The following ZNF365 variants were observed in gnomAD, a reference collection of about 807,000 sequenced individuals.
ZNF365 encodes the protein zinc finger protein 365, also known as protein ZNF365.
ZNF365 carries 22 observed loss-of-function variants against 35.0 expected under a neutral mutation model. The observed-to-expected ratio is 0.63, with a 90% CI of 0.45 to 0.90. ZNF365 has a LOEUF of 0.90. ZNF365 is among the 40% of genes least tolerant of loss of function. The pLI is 0.00. For missense variants in ZNF365, 448 were observed against 500.3 expected (o/e 0.90, Z 1.00); for synonymous variants, 188 against 196.2 (o/e 0.96, Z 0.35).
intron 4 of ZNF365, among the ~76,000 whole-genome samples, chr10:62,468,307 A>G (rs1840977561): frequency 1.3e-5 from 2 of 152,194 alleles, no homozygotes; most frequent in South Asian, 4.1e-4. Flanking sequence ...ATATGTATGT[A>G]TGTATTATGA....
downstream of ZNF365, among the ~76,000 whole-genome samples, chr10:62,405,267 G>C (rs777457300): frequency 6.6e-6 from 1 of 152,156 alleles, no homozygotes; most frequent in Non-Finnish European, 1.5e-5. Flanking sequence ...CTCCAGCATC[G>C]TGCCTTCTTC....
chr10:62,462,791 TTA>T (rs1043361670), intron 4 of ZNF365, among the ~76,000 whole-genome samples: 3 of 152,182 alleles, frequency 2.0e-5, no homozygotes, highest in Admixed American at 6.5e-5. Flanking sequence ...TCTAAAAATT[TTA>T]TGTTTCTTGA....
intron 4 of ZNF365, among the ~76,000 whole-genome samples, chr10:62,479,650 C>T (rs1841189468): frequency 6.6e-6 from 1 of 152,218 alleles, no homozygotes; most frequent in African/African-American, 2.4e-5. Flanking sequence ...GAACTGCCCA[C>T]TCAGCACATG....
chr10:62,412,128 C>T (rs1374376629), intron 3 of ZNF365, among the ~76,000 whole-genome samples: 2 of 152,026 alleles, frequency 1.3e-5, no homozygotes, highest in Non-Finnish European at 2.9e-5. Context: ...AAGGTTGGTT[C>T]AATATATGCA....
chr10:62,379,856 C>G (rs969917008), intron 2 of ZNF365, among the ~76,000 whole-genome samples: 2 of 152,160 alleles, frequency 1.3e-5, no homozygotes, highest in Non-Finnish European at 2.9e-5. Context: ...CGGAGTTGGG[C>G]TCCCCTGCCA....
At chr10:62,406,509 G>A (rs1328370432), downstream of ZNF365, among the ~76,000 whole-genome samples, 3 of 152,134 alleles carry the variant, frequency 2.0e-5, no homozygotes, top group Non-Finnish European at 2.9e-5. Flanking sequence ...AGTGCCAGAT[G>A]CAGTACCCAG....
chr10:62,449,430 C>T (rs576057743), intron 3 of ZNF365, among the ~76,000 whole-genome samples: 14 of 152,176 alleles, frequency 9.2e-5, no homozygotes, highest in Middle Eastern at 3.4e-3. Flanking sequence ...TTAAGCTATG[C>T]GCTTATTTTG....
At chr10:62,443,316 GACAA>G (rs1204388578) in intron 3 of ZNF365, among the ~76,000 whole-genome samples, 5 of 152,178 alleles carry the variant, frequency 3.3e-5, no homozygotes, top group Admixed American at 6.5e-5. Flanking sequence ...GAAAACTGGA[GACAA>G]ACAGAGACCC....
chr10:62,475,407 C>A (rs1841113100), intron 4 of ZNF365, among the ~76,000 whole-genome samples: 1 of 152,038 alleles, frequency 6.6e-6, no homozygotes, highest in Non-Finnish European at 1.5e-5. Flanking sequence ...CATTGGGCAA[C>A]ACAGGGAGAC....
At chr10:62,385,280 A>G (rs192911755) in intron 2 of ZNF365, among the ~76,000 whole-genome samples, 1 of 152,230 alleles carries the variant, frequency 6.6e-6, no homozygotes, top group Non-Finnish European at 1.5e-5. Flanking sequence ...TTCAGGGCAC[A>G]AGATAATTGG....
Position 62,400,972 on chromosome 10 carries a change from CAA to C in ZNF365, c.*1185_*1186del. ...CTCCCTAAAATGGCTTTAGTTTCCA[CAA>C]AGAGCTGTTAAGAATTTCCTGCTGT... On this transcript the variant is annotated 3_prime_UTR_variant, in exon 5 of 5. Transcript: ENST00000395254. 1.0e-6 allele frequency: 1 copy of C among 985,484 alleles called. No homozygotes were observed. The highest frequency in any genetic ancestry group is 1.2e-6 in the Non-Finnish European group (1 of 829,910). 61.0% of individuals were successfully genotyped at this position (985,484 alleles called of 1,614,324 possible). A position where few individuals can be genotyped will look rare whatever the true frequency, so the allele number is the denominator to read the frequency against.
intron 2 of ZNF365, 100 bp downstream of exon 2, chr10:62,377,036 A>G: frequency 1.4e-6 from 2 of 1,450,376 alleles, no homozygotes; most frequent in Middle Eastern, 2.6e-4. Context: ...TGCTATTTGC[A>G]GGTGCCTTGA....
chr10:62,456,380 T>C (rs1179620485), intron 3 of ZNF365, among the ~76,000 whole-genome samples: 1 of 152,204 alleles, frequency 6.6e-6, no homozygotes, highest in African/African-American at 2.4e-5. Context: ...GAATTGAACA[T>C]TATGTTGTCC....
At chr10:62,426,756 G>A (rs1840255985) in intron 3 of ZNF365, among the ~76,000 whole-genome samples, 1 of 152,078 alleles carries the variant, frequency 6.6e-6, no homozygotes, top group African/African-American at 2.4e-5. Flanking sequence ...TGGTCCTTAG[G>A]TGCCTGATAT....
At chr10:62,479,918 C>T in exon 5 of ZNF365, 3 of 1,613,004 alleles carry the variant, frequency 1.9e-6, no homozygotes, top group Non-Finnish European at 2.5e-6. Context: ...TGATGTGATT[C>T]TGGATGAGGA....
At chr10:62,464,426 G>A (rs1840898990) in intron 4 of ZNF365, among the ~76,000 whole-genome samples, 2 of 152,194 alleles carry the variant, frequency 1.3e-5, no homozygotes, top group Admixed American at 6.5e-5. Flanking sequence ...ATCCAGAGGG[G>A]CAAGGAGTGT....
chr10:62,464,041 G>T (rs1053579904), intron 4 of ZNF365, among the ~76,000 whole-genome samples: 3 of 152,122 alleles, frequency 2.0e-5, no homozygotes, highest in African/African-American at 7.2e-5. Context: ...ACTCCAATAG[G>T]CCTAATATTG....
At chr10:62,462,514 G>C (rs571090252) in intron 4 of ZNF365, among the ~76,000 whole-genome samples, 1 of 152,320 alleles carries the variant, frequency 6.6e-6, no homozygotes, top group South Asian at 2.1e-4. Context: ...TCCCACATGT[G>C]GCCTGAAATA....
chr10:62,480,131 C>G (rs1330255465), exon 5 of ZNF365: 1 of 1,306,492 alleles, frequency 7.7e-7, no homozygotes, highest in Non-Finnish European at 9.8e-7. Flanking sequence ...CCTGAGGGCA[C>G]AGCCCACCCC....
Sources: allele counts gnomAD v4.1 joint callset (sites outside exome capture counted in the v4.1 genomes callset), GRCh38; gene constraint gnomAD v4.1.1; transcripts MANE v1.5; gene names NCBI Gene and HGNC (gene_info 2026-07-23, HGNC 2026-07-21).